Variants in LRRK2 observed in about 807,000 individuals in gnomAD.
LRRK2 encodes leucine rich repeat kinase 2, also known as leucine-rich repeat serine/threonine-protein kinase 2.
A neutral mutation model predicts 302.6 loss-of-function variants in LRRK2; 203 were observed. The ratio of observed to expected loss-of-function variants is 0.67; its 90% confidence interval spans 0.60 to 0.75. The LOEUF (loss-of-function observed/expected upper bound fraction) is 0.75. LRRK2 is among the 30% of genes least tolerant of loss of function. LRRK2 has a pLI of 0.00. For synonymous variants in LRRK2, 1,066 were observed against 1,031.9 expected (o/e 1.03, Z -0.63); for missense variants, 2,830 against 2,951.0 (o/e 0.96, Z 0.95).
At chr12:40,276,869 A>G (rs572964920) in intron 16 of LRRK2, among the ~76,000 whole-genome samples, 9 of 152,044 alleles carry the variant, frequency 5.9e-5, no homozygotes, top group African/African-American at 2.2e-4. Flanking sequence ...GTCTCACTCT[A>G]TGGCCCAGGC....
chr12:40,357,795 C>T (rs1352068076), intron 46 of LRRK2, among the ~76,000 whole-genome samples: 1 of 152,098 alleles, frequency 6.6e-6, no homozygotes, highest in Non-Finnish European at 1.5e-5. Flanking sequence ...TGTTTTAAGA[C>T]AGGGTCTTGC....
chr12:40,240,501 C>CTGAA lies in LRRK2; in HGVS notation c.592_595dup (p.Phe199Ter). ...TTTTAAGTCTCAGAGGAGCAACTGA[C>CTGAA]TGAATTTGTTGAGAACAAAGATTAT... is the stretch of plus-strand genomic sequence containing the variant. On this transcript the variant is annotated frameshift_variant, in exon 6 of 51. Coordinates refer to ENST00000298910, the MANE Select transcript of LRRK2 (RefSeq NM_198578.4). LOFTEE classifies it high-confidence loss of function. The CTGAA allele has an allele frequency of 1.2e-6, 2 of 1,612,984 alleles. No individual in the cohort carries two copies. Among genetic ancestry groups the CTGAA allele is most frequent in the Non-Finnish European group, 1.7e-6 (2 of 1,179,376 alleles).
chr12:40,243,449 A>T, intron 6 of LRRK2, 101 bp from the exon 7 acceptor site: 1 of 1,315,262 alleles, frequency 7.6e-7, no homozygotes, highest in East Asian at 2.4e-5. Flanking sequence ...TGCAGTCATT[A>T]TGCTGCCATC....
chr12:40,225,602 G>C lies in LRRK2; in HGVS notation c.199G>C (p.Val67Leu), dbSNP rs1940833181. 1 of 1,613,924 alleles carries C rather than the reference G, an allele frequency of 6.2e-7. No homozygotes were observed. Among genetic ancestry groups the C allele is most frequent in the Non-Finnish European group, 8.5e-7 (1 of 1,179,988 alleles). The change falls in exon 2 of 51, where the codon GTC becomes CTC. Residue 67 changes from valine to leucine, a missense_variant. This residue lies in a region of LRRK2 where 2,121 missense variants were observed against 2,148.0 expected (regional missense o/e 0.99). Coordinates refer to ENST00000298910, the MANE Select transcript of LRRK2 (RefSeq NM_198578.4). ...AAATATCCATGTGCCTCTGTTGATCGTCTTGGACTCCTATATGAGAGTCGC... is the reference window on the plus strand; with the variant it reads ...AAATATCCATGTGCCTCTGTTGATCCTCTTGGACTCCTATATGAGAGTCGC... ...GKNIHVPLLI[V>L]LDSYMRVASV...
In LRRK2 at chr12:40,225,136, C is replaced by G. The variant is rs778295181; in HGVS notation, c.5C>G (p.Ala2Gly). 6.2e-7 allele frequency: 1 copy of G among 1,613,748 alleles called. No individual in the cohort carries two copies. Among genetic ancestry groups the G allele is most frequent in the African/African-American group, 1.3e-5 (1 of 75,034 alleles). ...GGGTTGGAAGCAGGTGCCACCATGGCTAGTGGCAGCTGTCAGGGGTGCGAA... is the reference window on the plus strand; with the variant it reads ...GGGTTGGAAGCAGGTGCCACCATGGGTAGTGGCAGCTGTCAGGGGTGCGAA... M[A>G]SGSCQGCEED... The change falls in exon 1 of 51, where the codon GCT becomes GGT. Residue 2 changes from alanine (A) to glycine (G), a missense_variant. By Grantham distance (60) the Ala-to-Gly change is moderately conservative (BLOSUM62 0). This residue lies in a region of LRRK2 where 2,121 missense variants were observed against 2,148.0 expected (regional missense o/e 0.99). Coordinates refer to ENST00000298910, the MANE Select transcript of LRRK2 (RefSeq NM_198578.4).
rs199567279 is a variant in LRRK2 at position 40,359,446 on chromosome 12, T to C, written c.7028+2T>C. 11 of 1,611,896 alleles carry C rather than the reference T, an allele frequency of 6.8e-6. No individual in the cohort carries two copies. The Admixed American group carries it at 1.7e-4, about 24-fold the overall frequency. ...CATTGAGACAAGAACAAGCCAACTG[T>C]AAGTTATTTTTTATCTGTACAAGTA... On this transcript the variant is annotated splice_donor_variant, in intron 47 of 50. Transcript: ENST00000298910. LOFTEE classifies it high-confidence loss of function.
At chr12:40,329,359 G>A (rs73097463) in intron 39 of LRRK2, among the ~76,000 whole-genome samples, 1,820 of 152,184 alleles carry the variant, frequency 0.012, 50 homozygotes, top group African/African-American at 0.039. Flanking sequence ...TGTGAGATGA[G>A]GAAAATTAAC....
At position 40,328,439 on chromosome 12, in the gene LRRK2, A is replaced by G. The variant is rs778235032; in HGVS notation, c.5736A>G (p.Thr1912=). Residue 1912 remains threonine, a synonymous_variant, in exon 39 of 51, where the codon ACA becomes ACG. Coordinates refer to ENST00000298910, the MANE Select transcript of LRRK2 (RefSeq NM_198578.4). ...EVAVKIFNKH[T]SLRLLRQELV... Reference sequence around the variant, plus strand: ...CTGTGAAGATTTTTAATAAACATACATCACTCAGGCTGTTAAGACAAGTAA... The same window carrying G: ...CTGTGAAGATTTTTAATAAACATACGTCACTCAGGCTGTTAAGACAAGTAA... 5 of 1,612,460 alleles carry G rather than the reference A, an allele frequency of 3.1e-6. No homozygotes were observed. Among genetic ancestry groups the G allele is most frequent in the Non-Finnish European group, 4.2e-6 (5 of 1,178,768 alleles).
intron 39 of LRRK2, among the ~76,000 whole-genome samples, chr12:40,333,489 T>G (rs925091193): frequency 1.3e-5 from 2 of 152,072 alleles, no homozygotes; most frequent in African/African-American, 4.8e-5. Flanking sequence ...ATATACAGTA[T>G]AAAGCGAATC....
intron 18 of LRRK2, among the ~76,000 whole-genome samples, chr12:40,279,941 CTATT>C (rs1943616337): frequency 6.6e-6 from 1 of 152,144 alleles, no homozygotes; most frequent in Admixed American, 6.5e-5. Flanking sequence ...GTAATCAGGA[CTATT>C]TATTCATTTA....
chr12:40,323,772 G>A (rs1374174371), intron 38 of LRRK2, among the ~76,000 whole-genome samples: 3 of 149,382 alleles, frequency 2.0e-5, no homozygotes, highest in South Asian at 2.1e-4. Context: ...AAAGTCAAAA[G>A]TGTTACATGG....
chr12:40,300,943 A>G, intron 25 of LRRK2: 2 of 470,996 alleles, frequency 4.2e-6, no homozygotes, highest in Admixed American at 2.3e-5. Context: ...AAGCTTGTGT[A>G]TGGTCAGTGT....
Position 40,354,409 on chromosome 12 carries a change from C to T in LRRK2, c.6687C>T (p.Thr2229=), listed in dbSNP as rs763587369. 44 of 1,613,802 alleles carry T rather than the reference C, an allele frequency of 2.7e-5. No homozygotes were observed. Among genetic ancestry groups the T allele is most frequent in the South Asian group, 3.3e-5 (3 of 91,082 alleles). Residue 2229 remains threonine, a synonymous_variant, in exon 45 of 51, where the codon ACC becomes ACT. Transcript: ENST00000298910. ...CTGGTACTCTCCTGGTCATCAATAC[C>T]GAAGATGGGAAAAAGAGACATACCC... The part of the protein sequence containing the change: ...TQSGTLLVIN[T]EDGKKRHTLE...
chr12:40,236,277 A>G (rs1446459562), intron 4 of LRRK2, among the ~76,000 whole-genome samples: 1 of 152,184 alleles, frequency 6.6e-6, no homozygotes, highest in Non-Finnish European at 1.5e-5. Flanking sequence ...GCTTTTAAAC[A>G]CCTGAATCTG....
chr12:40,249,744 A>G (rs1942169589), intron 7 of LRRK2, 82 bp from the exon 8 acceptor site: 3 of 1,446,424 alleles, frequency 2.1e-6, no homozygotes, highest in Non-Finnish European at 2.9e-6. Flanking sequence ...ATTCAAAATT[A>G]TTGATGTAAA....
chr12:40,251,615 A>G, intron 10 of LRRK2, 71 bp downstream of exon 10: 1 of 1,273,316 alleles, frequency 7.9e-7, no homozygotes, highest in Non-Finnish European at 1.1e-6. Context: ...AAAATACCTT[A>G]ACCGTAACTT....
At chr12:40,234,141 G>A (rs1322511328) in intron 3 of LRRK2, among the ~76,000 whole-genome samples, 4 of 152,178 alleles carry the variant, frequency 2.6e-5, no homozygotes, top group Non-Finnish European at 5.9e-5. Flanking sequence ...GGCTGGCAGA[G>A]AATCGAAGAC....
intron 14 of LRRK2, among the ~76,000 whole-genome samples, chr12:40,267,660 T>C (rs1943076329): frequency 6.6e-6 from 1 of 152,150 alleles, no homozygotes. Flanking sequence ...GCACAGCCTT[T>C]CACTTAGCAC....
At chr12:40,299,496 A>G (rs779390281) in intron 25 of LRRK2, among the ~76,000 whole-genome samples, 6 of 152,332 alleles carry the variant, frequency 3.9e-5, no homozygotes, top group Admixed American at 3.3e-4. Context: ...AAAAGGCTAC[A>G]TACTATTCGT....
Sources: gnomAD v4.1 joint callset for allele counts (sites outside exome capture counted in the v4.1 genomes callset) on GRCh38, gnomAD v4.1.1 for gene constraint, gnomAD v4.1.1 regional missense constraint, MANE v1.5 for transcripts, NCBI Gene and HGNC (gene_info 2026-07-23, HGNC 2026-07-21) for gene names.